GPC5: variants seen among roughly 807,000 people sequenced by gnomAD.
GPC5 encodes glypican-5.
A neutral mutation model predicts 53.9 loss-of-function variants in GPC5; 47 were observed. That is an observed-to-expected ratio of 0.87 (90% confidence interval 0.69 to 1.11). The LOEUF is 1.11. Among genes scored for constraint, GPC5 ranks in the 50% most tolerant of loss-of-function variants. The pLI, the probability that GPC5 is intolerant of heterozygous loss-of-function variation, is 0.00. For synonymous variants in GPC5, 286 were observed against 263.3 expected, an observed-to-expected ratio of 1.09 and a Z score of -0.84; for missense variants, 748 against 713.1, an observed-to-expected ratio of 1.05 and a Z score of -0.56.
chr13:92,481,979 A>T (rs1336892180), intron 7 of GPC5, among the ~76,000 whole-genome samples: 1 of 151,964 alleles, frequency 6.6e-6, no homozygotes, highest in Admixed American at 6.6e-5. Flanking sequence ...AAATACAAAA[A>T]AATTAGCCGG....
intron 7 of GPC5, among the ~76,000 whole-genome samples, chr13:92,539,868 C>T (rs1156783501): frequency 2.8e-4 from 42 of 151,860 alleles, no homozygotes; most frequent in Admixed American, 2.8e-3. Flanking sequence ...TTGCCACCCC[C>T]CAGTTTTCTT....
At chr13:91,776,609 G>T (rs59721804) in intron 5 of GPC5, among the ~76,000 whole-genome samples, 3,848 of 152,206 alleles carry the variant, frequency 0.025, 158 homozygotes, top group African/African-American at 0.087. Flanking sequence ...GCAGCAACTC[G>T]CAGAGCAAAA....
chr13:91,582,998 CT>C (rs2032424631), intron 2 of GPC5, among the ~76,000 whole-genome samples: 1 of 151,768 alleles, frequency 6.6e-6, no homozygotes, highest in South Asian at 2.1e-4. Context: ...GCAACTCCAC[CT>C]CAAAAATAAA....
chr13:92,334,991 A>G lies in GPC5; in HGVS notation c.1561+190002A>G, dbSNP rs1353414473. ...GTGCATGGTGCAAGCTGTCAGTGGA[A>G]CTACCATTCTGGGGTCTGGAGGATG... On this transcript the variant is annotated intron_variant, in intron 7 of 7. Transcript: ENST00000377067. Among the ~76,000 whole-genome samples the G allele has an allele frequency of 2.6e-5, 4 of 152,160 alleles. No homozygotes were observed. The East Asian group carries it at 7.8e-4, about 30-fold the overall frequency.
At chr13:91,487,037 C>A (rs187344958) in intron 2 of GPC5, among the ~76,000 whole-genome samples, 1 of 152,096 alleles carries the variant, frequency 6.6e-6, no homozygotes, top group South Asian at 2.1e-4. Flanking sequence ...ATATCCAAAT[C>A]GAGCTTTGAT....
chr13:91,734,109 T>C (rs2140035644), intron 4 of GPC5, among the ~76,000 whole-genome samples: 1 of 151,678 alleles, frequency 6.6e-6, no homozygotes, highest in South Asian at 2.1e-4. Context: ...TCATAGGTTC[T>C]TTTATGTGAT....
intron 6 of GPC5, among the ~76,000 whole-genome samples, chr13:92,062,634 G>C (rs537796296): frequency 1.3e-5 from 2 of 152,038 alleles, no homozygotes; most frequent in South Asian, 4.1e-4. Context: ...GTAAATGTGT[G>C]GGTGAATTTG....
chr13:92,118,305 C>T (rs1447940913), intron 6 of GPC5, among the ~76,000 whole-genome samples: 2 of 152,084 alleles, frequency 1.3e-5, no homozygotes, highest in African/African-American at 2.4e-5. Context: ...GTATAAATCA[C>T]TTGTTTGTAA....
chr13:92,526,182 G>T (rs1303410628), intron 7 of GPC5, among the ~76,000 whole-genome samples: 1 of 152,028 alleles, frequency 6.6e-6, no homozygotes, highest in Non-Finnish European at 1.5e-5. Context: ...CCACAGTATG[G>T]AATTATAGAC....
At chr13:91,803,805 CAG>C (rs1491036824) in intron 5 of GPC5, among the ~76,000 whole-genome samples, 37 of 149,576 alleles carry the variant, frequency 2.5e-4, no homozygotes, top group Admixed American at 1.3e-4. Context: ...CACACACACA[CAG>C]AGGAAAAGAG....
intron 2 of GPC5, among the ~76,000 whole-genome samples, chr13:91,460,358 C>T (rs564281948): frequency 3.3e-5 from 5 of 151,300 alleles, no homozygotes; most frequent in Admixed American, 6.6e-5. Flanking sequence ...AGTACAGTGG[C>T]GTGGTCTTAG....
intron 7 of GPC5, among the ~76,000 whole-genome samples, chr13:92,224,153 T>C (rs564284531): frequency 1.4e-4 from 22 of 152,300 alleles, no homozygotes; most frequent in Non-Finnish European, 2.8e-4. Flanking sequence ...AAAAGAACTT[T>C]CTGCACTATT....
chr13:92,111,528 A>C (rs1036428276), intron 6 of GPC5, among the ~76,000 whole-genome samples: 1 of 152,142 alleles, frequency 6.6e-6, no homozygotes, highest in African/African-American at 2.4e-5. Flanking sequence ...CTTGAATAAC[A>C]TCAGTTAGCA....
Position 92,409,764 on chromosome 13 carries a change from C to A in GPC5, c.1561+264775C>A, listed in dbSNP as rs7994146. 1.6e-3 allele frequency among the ~76,000 whole-genome samples: 248 copies of A among 152,266 alleles called. 1 individual carries two copies. Among genetic ancestry groups the A allele is most frequent in the African/African-American group, 5.7e-3 (238 of 41,562 alleles). ...AGAATTGTATATTCTGTACTATCTA[C>A]ACTATGAAATGGAAAACCTAATTTC... On this transcript the variant is annotated intron_variant, in intron 7 of 7. Coordinates refer to ENST00000377067, the MANE Select transcript of GPC5 (RefSeq NM_004466.6).
chr13:92,633,448 TA>T, intron 7 of GPC5, among the ~76,000 whole-genome samples: 1 of 152,136 alleles, frequency 6.6e-6, no homozygotes, highest in East Asian at 1.9e-4. Context: ...CTGAGGGTTT[TA>T]AAAAATATTT....
intron 5 of GPC5, among the ~76,000 whole-genome samples, chr13:91,900,660 C>T (rs1363589547): frequency 1.3e-5 from 2 of 151,998 alleles, no homozygotes; most frequent in South Asian, 4.1e-4. Flanking sequence ...CTATAAAAAA[C>T]GTATTTATCC....
At chr13:91,642,739 G>A (rs1362949243) in intron 2 of GPC5, among the ~76,000 whole-genome samples, 3 of 149,808 alleles carry the variant, frequency 2.0e-5, no homozygotes, top group Non-Finnish European at 4.4e-5. Flanking sequence ...AAGTAAATGA[G>A]GCTGGAGCAT....
At chr13:92,215,124 T>C (rs1431706090) in intron 7 of GPC5, among the ~76,000 whole-genome samples, 1 of 152,150 alleles carries the variant, frequency 6.6e-6, no homozygotes, top group African/African-American at 2.4e-5. Flanking sequence ...TTTAACTGAG[T>C]AACAAAGTAT....
At chr13:92,779,173 G>A (rs572682556) in intron 7 of GPC5, among the ~76,000 whole-genome samples, 1 of 152,230 alleles carries the variant, frequency 6.6e-6, no homozygotes, top group South Asian at 2.1e-4. Flanking sequence ...GCAGACAAGA[G>A]AATAGAGCTT....
Sources: gnomAD v4.1 joint callset for allele counts (sites outside exome capture counted in the v4.1 genomes callset) on GRCh38, gnomAD v4.1.1 for gene constraint, MANE v1.5 for transcripts, NCBI Gene and HGNC (gene_info 2026-07-23, HGNC 2026-07-21) for gene names.